The following CKMT2 variants were observed in gnomAD, a reference collection of about 807,000 sequenced individuals.
CKMT2 encodes the protein creatine kinase, mitochondrial 2.
CKMT2 carries 43 observed loss-of-function variants against 48.9 expected under a neutral mutation model. That is an observed-to-expected ratio of 0.88 (90% CI 0.69 to 1.13). The LOEUF (loss-of-function observed/expected upper bound fraction) is 1.13, where lower values mean the gene tolerates loss of function less well. Ranked by LOEUF, CKMT2 falls within the 50% of genes most tolerant of loss-of-function variation. The probability of loss-of-function intolerance (pLI) is 0.00; values close to 1 mark genes in which losing one functional copy is unlikely to be tolerated. For synonymous variants in CKMT2, 206 were observed against 213.0 expected, an observed-to-expected ratio of 0.97 and a Z score of 0.29; for missense variants, 472 against 555.4, an observed-to-expected ratio of 0.85 and a Z score of 1.51.
At chr5:81,261,773 A>G (rs1032531290) in intron 8 of CKMT2, among the ~76,000 whole-genome samples, 15 of 152,230 alleles carry the variant, frequency 9.9e-5, no homozygotes, top group African/African-American at 3.4e-4. Flanking sequence ...ATACTGCCCA[A>G]AGTAATTTAT....
chr5:81,245,974 C>A (rs139987508), intron 1 of CKMT2, among the ~76,000 whole-genome samples: 60 of 152,202 alleles, frequency 3.9e-4, no homozygotes, highest in African/African-American at 1.1e-3. Flanking sequence ...ACCATTAGCA[C>A]GACCTGTCAG....
intron 1 of CKMT2, among the ~76,000 whole-genome samples, chr5:81,233,849 T>G (rs951367282): frequency 1.3e-5 from 2 of 151,904 alleles, no homozygotes; most frequent in African/African-American, 4.8e-5. Flanking sequence ...ACTAGAAAAT[T>G]AAAATTTTGA....
At chr5:81,240,544 T>A (rs984680869) in intron 1 of CKMT2, among the ~76,000 whole-genome samples, 6 of 152,212 alleles carry the variant, frequency 3.9e-5, no homozygotes, top group African/African-American at 1.2e-4. Context: ...GATGGAGGCA[T>A]GCAATACAGT....
intron 9 of CKMT2, 79 bp downstream of exon 9, chr5:81,263,695 C>T (rs1200019625): frequency 6.5e-6 from 9 of 1,393,596 alleles, no homozygotes; most frequent in African/African-American, 5.8e-5. Context: ...ACAGCCTAGC[C>T]GTTTTCACAA....
At chr5:81,259,353 A>ACTTTCT in intron 8 of CKMT2, 99 bp downstream of exon 8, 1 of 1,057,066 alleles carries the variant, frequency 9.5e-7, no homozygotes, top group Non-Finnish European at 1.3e-6. Context: ...CTTAACCCTT[A>ACTTTCT]CTTTCTCTAT....
At chr5:81,246,636 A>C (rs1756620789) in intron 1 of CKMT2, among the ~76,000 whole-genome samples, 1 of 152,188 alleles carries the variant, frequency 6.6e-6, no homozygotes, top group Non-Finnish European at 1.5e-5. Flanking sequence ...GGCACTCAGT[A>C]AAGAGTTCCT....
intron 6 of CKMT2, 79 bp downstream of exon 6, chr5:81,257,079 T>C: frequency 8.9e-7 from 1 of 1,128,378 alleles, no homozygotes; most frequent in Non-Finnish European, 1.3e-6. Flanking sequence ...AACCTGGAGT[T>C]GCTGTGTACT....
At chr5:81,265,586 C>T (rs908275942) in intron 9 of CKMT2, among the ~76,000 whole-genome samples, 4 of 152,160 alleles carry the variant, frequency 2.6e-5, no homozygotes, top group African/African-American at 7.2e-5. Flanking sequence ...AAGTTCTATA[C>T]AGAGTTTTTT....
At chr5:81,254,364 T>C in intron 3 of CKMT2, 32 bp from the exon 4 acceptor site, 1 of 1,577,436 alleles carries the variant, frequency 6.3e-7, no homozygotes, top group Middle Eastern at 1.7e-4. Context: ...GTGAACCAGT[T>C]AAAGAGGAAA....
At chr5:81,261,392 C>G (rs1390381370) in intron 8 of CKMT2, among the ~76,000 whole-genome samples, 1 of 152,086 alleles carries the variant, frequency 6.6e-6, no homozygotes, top group Non-Finnish European at 1.5e-5. Flanking sequence ...GGTATTCACG[C>G]AGGAAGAGAG....
At chr5:81,257,495 T>TAATTATATTCTTGTTTGGTAAAAAC (rs1757054599) in intron 6 of CKMT2, among the ~76,000 whole-genome samples, 1 of 152,228 alleles carries the variant, frequency 6.6e-6, no homozygotes, top group Non-Finnish European at 1.5e-5. Context: ...TAGGGGGAAT[T>TAATTATATTCTTGTTTGGTAAAAAC]AATTATATTC....
In CKMT2 at chr5:81,259,222, G is replaced by T; in HGVS notation, c.982G>T (p.Gly328Cys). 6.2e-7 allele frequency: 1 copy of T among 1,613,982 alleles called. No individual in the cohort carries two copies. Among genetic ancestry groups the T allele is most frequent in the Non-Finnish European group, 8.5e-7 (1 of 1,179,948 alleles). The change falls in exon 8 of 10, where the codon GGT becomes TGT. Residue 328 changes from glycine (G) to cysteine (C), a missense_variant. Physicochemically the swap from Gly to Cys is radical, Grantham distance 159. Coordinates refer to ENST00000254035, the MANE Select transcript of CKMT2 (RefSeq NM_001099735.2). ...PSNLGTGLRAGVHVRIPKLSK... is the reference protein window; with the variant it reads ...PSNLGTGLRACVHVRIPKLSK... ...GAACCTTGGAACAGGACTACGAGCT[G>T]GTGTCCACGTTAGGATCCCAAAGCT...
intron 1 of CKMT2, 148 bp downstream of exon 1, chr5:81,233,525 A>G (rs1756168097): frequency 1.9e-6 from 1 of 527,944 alleles, no homozygotes; most frequent in Admixed American, 6.4e-5. Flanking sequence ...GTGACTCGCT[A>G]AAGCCAGCAG....
intron 1 of CKMT2, among the ~76,000 whole-genome samples, chr5:81,240,444 C>T (rs1756398038): frequency 6.6e-6 from 1 of 152,208 alleles, no homozygotes; most frequent in Non-Finnish European, 1.5e-5. Flanking sequence ...ATCCACAGTC[C>T]TCCATTGATG....
chr5:81,261,294 A>G (rs949516455), intron 8 of CKMT2, among the ~76,000 whole-genome samples: 1 of 152,224 alleles, frequency 6.6e-6, no homozygotes, highest in Non-Finnish European at 1.5e-5. Context: ...AAAACTGCAC[A>G]AGACAGGGAT....
At position 81,255,083 on chromosome 5, in the gene CKMT2, T is replaced by G. The variant is rs1213086196; in HGVS notation, c.538T>G (p.Cys180Gly). The change falls in exon 5 of 10, where the codon TGC becomes GGC. Residue 180 changes from cysteine to glycine, a missense_variant. Coordinates refer to ENST00000254035, the MANE Select transcript of CKMT2 (RefSeq NM_001099735.2). ...SIRGLSLPPA[C>G]TRAERREVEN... ...CCGTGGGCTGAGCCTGCCTCCAGCCTGCACCCGGGCCGAGCGAAGGGAGGT... is the reference window on the plus strand; with the variant it reads ...CCGTGGGCTGAGCCTGCCTCCAGCCGGCACCCGGGCCGAGCGAAGGGAGGT... The G allele has an allele frequency of 6.2e-7, 1 of 1,614,046 alleles. No individual in the cohort carries two copies. The highest frequency in any genetic ancestry group is 1.7e-5 in the Admixed American group (1 of 60,026).
chr5:81,236,210 T>C (rs1260816993), intron 1 of CKMT2: 5 of 152,256 alleles, frequency 3.3e-5, no homozygotes, highest in African/African-American at 1.2e-4. Context: ...TAGGAGCTGC[T>C]GTGTTAAATG....
intron 1 of CKMT2, among the ~76,000 whole-genome samples, chr5:81,243,215 C>T (rs916888798): frequency 5.3e-5 from 8 of 152,148 alleles, no homozygotes; most frequent in Non-Finnish European, 1.2e-4. Context: ...AGTTTACCCG[C>T]AGATGCCAAA....
In CKMT2 at chr5:81,251,225, G is replaced by C; in HGVS notation, c.93G>C (p.Leu31=). Residue 31 remains leucine (L), a synonymous_variant, in exon 2 of 10, where the codon CTG becomes CTC. Coordinates refer to ENST00000254035, the MANE Select transcript of CKMT2 (RefSeq NM_001099735.2). ...CCAGTGTCCTGACCACCGGGTACCT[G>C]CTGAACCGGCAGAAAGTGTGTGCCG... The part of the protein sequence containing the change: ...MGTSVLTTGY[L]LNRQKVCAEV... 6.2e-7 allele frequency: 1 copy of C among 1,614,180 alleles called. No homozygotes were observed. Among genetic ancestry groups the C allele is most frequent in the South Asian group, 1.1e-5 (1 of 91,084 alleles).
Sources: gnomAD v4.1 joint callset for allele counts (sites outside exome capture counted in the v4.1 genomes callset) on GRCh38, gnomAD v4.1.1 for gene constraint, MANE v1.5 for transcripts, NCBI Gene and HGNC (gene_info 2026-07-23, HGNC 2026-07-21) for gene names.